The following PUDP variants were observed in gnomAD, a reference collection of about 807,000 sequenced individuals.
The protein encoded by PUDP is pseudouridine 5'-phosphatase, also known as pseudouridine-5'-phosphatase.
In PUDP, 8 loss-of-function variants were observed where a neutral mutation model predicts 9.4. That is an observed-to-expected ratio of 0.85 (90% CI 0.50 to 1.53). The LOEUF is 1.53. PUDP is among the 40% of genes most tolerant of loss of function. PUDP has a pLI of 0.00. For synonymous variants in PUDP, 99 were observed against 80.7 expected, an observed-to-expected ratio of 1.23 and a Z score of -1.22; for missense variants, 188 against 189.7, an observed-to-expected ratio of 0.99 and a Z score of 0.05.
chrX:6,865,025 C>A (rs1045099850), intron 3 of PUDP, among the ~76,000 whole-genome samples: 2 of 112,077 alleles, frequency 1.8e-5, no homozygotes, highest in African/African-American at 6.5e-5. Flanking sequence ...CATTGTAATT[C>A]TTTTTCATTG....
chrX:6,910,996 A>T (rs1490633290), intron 3 of PUDP, among the ~76,000 whole-genome samples: 1 of 111,828 alleles, frequency 8.9e-6, no homozygotes, highest in Non-Finnish European at 1.9e-5. Context: ...GGAAATATCC[A>T]TTCAGTTCGC....
chrX:6,812,755 A>G (rs918392544), intron 3 of PUDP, among the ~76,000 whole-genome samples: 2 of 111,909 alleles, frequency 1.8e-5, no homozygotes, highest in African/African-American at 3.3e-5. Context: ...TCAATAAACA[A>G]AAATGGAGTA....
intron 3 of PUDP, among the ~76,000 whole-genome samples, chrX:6,810,174 T>A (rs749435791): frequency 1.2e-4 from 13 of 110,896 alleles, no homozygotes; most frequent in Admixed American, 3.8e-4. Flanking sequence ...GGCACTAGAA[T>A]AACAACTAGT....
chrX:6,885,615 C>A (rs1310844886), intron 3 of PUDP, among the ~76,000 whole-genome samples: 1 of 112,141 alleles, frequency 8.9e-6, no homozygotes, highest in African/African-American at 3.2e-5. Context: ...TGCTGGAATC[C>A]AGCCTTACTC....
At chrX:6,732,113 C>T (rs182194977) in intron 3 of PUDP, among the ~76,000 whole-genome samples, 45 of 111,759 alleles carry the variant, frequency 4.0e-4, no homozygotes, top group Non-Finnish European at 7.0e-4. Context: ...CTCAACAGTT[C>T]AGTTTATGAT....
chrX:6,895,262 G>A (rs1166825709), intron 3 of PUDP, among the ~76,000 whole-genome samples: 1 of 97,035 alleles, frequency 1.0e-5, no homozygotes, highest in Admixed American at 1.1e-4. Flanking sequence ...CATATTTATT[G>A]TATGTAATTA....
chrX:7,064,149 G>A (rs750663470), intron 3 of PUDP, among the ~76,000 whole-genome samples: 2 of 111,363 alleles, frequency 1.8e-5, no homozygotes, highest in East Asian at 5.7e-4. Context: ...ATATGCACTG[G>A]AACTTCCTTC....
intron 3 of PUDP, among the ~76,000 whole-genome samples, chrX:6,942,089 T>G (rs1928407975): frequency 9.0e-6 from 1 of 111,301 alleles, no homozygotes; most frequent in Non-Finnish European, 1.9e-5. Context: ...GTTAAAAAAT[T>G]ACCTATTGGG....
intron 2 of PUDP, among the ~76,000 whole-genome samples, chrX:7,104,889 T>G (rs1931835444): frequency 8.9e-6 from 1 of 112,272 alleles, no homozygotes; most frequent in South Asian, 3.7e-4. Flanking sequence ...AATCCAAGAT[T>G]ACTCACATAA....
intron 3 of PUDP, among the ~76,000 whole-genome samples, chrX:6,916,750 A>C (rs1927941160): frequency 9.0e-6 from 1 of 111,628 alleles, no homozygotes; most frequent in African/African-American, 3.3e-5. Flanking sequence ...CCTTTTCACT[A>C]ATTCAGCTAG....
At chrX:7,066,753 C>T (rs182358666) in intron 3 of PUDP, among the ~76,000 whole-genome samples, 3 of 111,598 alleles carry the variant, frequency 2.7e-5, no homozygotes, top group Non-Finnish European at 5.6e-5. Context: ...TTTACAACTT[C>T]GGGGAAGTTA....
At chrX:6,911,436 C>T (rs1377919291) in intron 3 of PUDP, among the ~76,000 whole-genome samples, 2 of 111,376 alleles carry the variant, frequency 1.8e-5, no homozygotes, top group Non-Finnish European at 3.8e-5. Context: ...TCAAATGATC[C>T]GCCCACGTCA....
intron 3 of PUDP, among the ~76,000 whole-genome samples, chrX:6,795,167 A>G (rs1480367323): frequency 9.0e-6 from 1 of 110,951 alleles, no homozygotes; most frequent in Non-Finnish European, 1.9e-5. Context: ...TTATAATCTT[A>G]GGGGATCTGC....
intron 3 of PUDP, among the ~76,000 whole-genome samples, chrX:6,735,913 C>T (rs1602602278): frequency 9.1e-6 from 1 of 109,397 alleles, no homozygotes; most frequent in East Asian, 2.8e-4. Flanking sequence ...GTGGCATGCA[C>T]CTGTTTTCCC....
At chrX:7,115,428 G>A (rs1035684361) in intron 1 of PUDP, among the ~76,000 whole-genome samples, 5 of 112,204 alleles carry the variant, frequency 4.5e-5, no homozygotes, top group African/African-American at 1.6e-4. Context: ...TTTTCTTCTA[G>A]TGAAAGCATT....
At chrX:7,147,874 G>A in intron 1 of PUDP, 179 bp downstream of exon 1, 1 of 222,435 alleles carries the variant, frequency 4.5e-6, no homozygotes, top group Non-Finnish European at 8.4e-6. Flanking sequence ...GGGCCCGCGG[G>A]CGCTCCTGGC....
chrX:6,851,068 A>C (rs1926819833), intron 3 of PUDP, among the ~76,000 whole-genome samples: 1 of 112,203 alleles, frequency 8.9e-6, no homozygotes, highest in African/African-American at 3.2e-5. Flanking sequence ...TATATTTGAA[A>C]TCTCTTCCCC....
intron 3 of PUDP, among the ~76,000 whole-genome samples, chrX:6,794,273 A>G (rs1201322352): frequency 8.9e-6 from 1 of 112,497 alleles, no homozygotes; most frequent in Non-Finnish European, 1.9e-5. Context: ...AAGCCTCTAC[A>G]ATACGTTACT....
chrX:6,753,790 T>C (rs1925136423), intron 3 of PUDP, among the ~76,000 whole-genome samples: 1 of 112,241 alleles, frequency 8.9e-6, no homozygotes, highest in African/African-American at 3.2e-5. Context: ...AATTGTCTAT[T>C]CTTGTCCTTA....
Sources: allele counts gnomAD v4.1 joint callset (sites outside exome capture counted in the v4.1 genomes callset), GRCh38; gene constraint gnomAD v4.1.1; transcripts MANE v1.5; gene names NCBI Gene and HGNC (gene_info 2026-07-23, HGNC 2026-07-21).